Variants in PCDHA2 observed in about 807,000 individuals in gnomAD.
The protein encoded by PCDHA2 is protocadherin alpha 2.
A neutral mutation model predicts 66.0 loss-of-function variants in PCDHA2; 58 were observed. That is an observed-to-expected ratio of 0.88 (90% CI 0.71 to 1.09). The LOEUF (loss-of-function observed/expected upper bound fraction) is 1.09, where lower values mean the gene tolerates loss of function less well. PCDHA2 is among the 50% of genes least tolerant of loss of function. The pLI, the probability that PCDHA2 is intolerant of heterozygous loss-of-function variation, is 0.00. For synonymous variants in PCDHA2, 634 were observed against 554.0 expected (o/e 1.14, Z -2.03); for missense variants, 1,267 against 1,242.3 (o/e 1.02, Z -0.30).
chr5:140,903,840 T>C (rs2070655374), intron 1 of PCDHA2, among the ~76,000 whole-genome samples: 1 of 152,196 alleles, frequency 6.6e-6, no homozygotes, highest in African/African-American at 2.4e-5. Flanking sequence ...GGTATTTTCA[T>C]TTATCTTAAC....
rs143060335 is a variant in PCDHA2 at position 140,868,584 on chromosome 5, G to A, written c.2388+71232G>A. 748 of 153,118 alleles carry A rather than the reference G, an allele frequency of 4.9e-3. 7 individuals carry two copies. Among genetic ancestry groups the A allele is most frequent in the African/African-American group, 0.016 (680 of 41,552 alleles). The allele number at this position is 153,118 out of a possible 1,614,324, so 9.5% of individuals were successfully genotyped here. A position where few individuals can be genotyped will look rare whatever the true frequency, so the allele number is the denominator to read the frequency against. Reference sequence around the variant, plus strand: ...ATGAGGAACAACACTTTCAGGAAATGTTTAACCCTAGTTTTTCATGAGGCC... The same window carrying A: ...ATGAGGAACAACACTTTCAGGAAATATTTAACCCTAGTTTTTCATGAGGCC... On this transcript the variant is annotated intron_variant, in intron 1 of 3. Transcript: ENST00000526136.
At chr5:140,808,651 G>C (rs144041965) in intron 1 of PCDHA2, 19 of 1,613,192 alleles carry the variant, frequency 1.2e-5, no homozygotes, top group Admixed American at 1.7e-5. Context: ...AGGAGAACGC[G>C]CTGGTGTCCT....
At chr5:140,915,626 GTCTCTCTCTCTCTC>G in intron 1 of PCDHA2, among the ~76,000 whole-genome samples, 1 of 146,536 alleles carries the variant, frequency 6.8e-6, no homozygotes, top group Non-Finnish European at 1.5e-5. Flanking sequence ...GTCTCTTTCT[GTCTCTCTCTCTCTC>G]TCTCTCTCTC....
chr5:140,953,267 C>G (rs902465304), intron 1 of PCDHA2, among the ~76,000 whole-genome samples: 4 of 152,068 alleles, frequency 2.6e-5, no homozygotes, highest in African/African-American at 4.8e-5. Flanking sequence ...TTAGCTTTAG[C>G]CTTTGCTCTT....
At chr5:140,864,245 T>C (rs1189962615) in intron 1 of PCDHA2, 1 of 152,208 alleles carries the variant, frequency 6.6e-6, no homozygotes, top group Non-Finnish European at 1.5e-5. Flanking sequence ...TTCCTATTCA[T>C]TTTCTTATTC....
chr5:140,869,853 C>A (rs1408875478), intron 1 of PCDHA2: 1 of 1,610,606 alleles, frequency 6.2e-7, no homozygotes, highest in Admixed American at 1.7e-5. Context: ...ATAAGGTGAG[C>A]CTTATGGAAA....
chr5:140,805,669 C>A (rs1238720033), intron 1 of PCDHA2: 6 of 832,912 alleles, frequency 7.2e-6, no homozygotes, highest in Non-Finnish European at 8.7e-6. Flanking sequence ...CATTAATACC[C>A]AGGATGATTC....
chr5:140,899,607 TC>T (rs1301087468), intron 1 of PCDHA2, among the ~76,000 whole-genome samples: 11 of 152,322 alleles, frequency 7.2e-5, no homozygotes, highest in African/African-American at 2.6e-4. Flanking sequence ...GACTTTTGCA[TC>T]AATGTTCATC....
chr5:140,850,221 G>T (rs2041438830), intron 1 of PCDHA2: 1 of 1,593,734 alleles, frequency 6.3e-7, no homozygotes, highest in Non-Finnish European at 8.6e-7. Context: ...CACTGACGGC[G>T]CAGTGAGCGA....
rs782453395 is a variant in PCDHA2 at position 140,875,890 on chromosome 5, G to A, written c.2388+78538G>A. 2.4e-5 allele frequency: 38 copies of A among 1,614,180 alleles called. No homozygotes were observed. The South Asian group carries it at 4.1e-4, about 17-fold the overall frequency. On this transcript the variant is annotated intron_variant, in intron 1 of 3. Coordinates refer to ENST00000526136, the MANE Select transcript of PCDHA2 (RefSeq NM_018905.3). Reference sequence around the variant, plus strand: ...GGTGTTCAGAGAAAGGGAACAAAAGGTACCTGTTTCTGAATCTGCGCCTCT... The same window carrying A: ...GGTGTTCAGAGAAAGGGAACAAAAGATACCTGTTTCTGAATCTGCGCCTCT...
At chr5:140,925,989 G>A (rs2082853255) in intron 1 of PCDHA2, among the ~76,000 whole-genome samples, 1 of 152,212 alleles carries the variant, frequency 6.6e-6, no homozygotes, top group East Asian at 1.9e-4. Context: ...GAGCTCGCTG[G>A]CTCCGCTGCC....
Position 140,850,388 on chromosome 5 carries a change from C to G in PCDHA2, c.2388+53036C>G. On this transcript the variant is annotated intron_variant, in intron 1 of 3. Coordinates refer to ENST00000526136, the MANE Select transcript of PCDHA2 (RefSeq NM_018905.3). Reference sequence around the variant, plus strand: ...GCGTGGGGCTGTACACGGGCGAGATCAGCACAACGCGTGCCCTGGACGAAA... The same window carrying G: ...GCGTGGGGCTGTACACGGGCGAGATGAGCACAACGCGTGCCCTGGACGAAA... 1.9e-6 allele frequency: 3 copies of G among 1,597,966 alleles called. No individual in the cohort carries two copies. In the African/African-American group the frequency reaches 4.0e-5, roughly 21 times the overall value.
chr5:140,904,098 A>G (rs184234910), intron 1 of PCDHA2, among the ~76,000 whole-genome samples: 35 of 152,296 alleles, frequency 2.3e-4, no homozygotes, highest in African/African-American at 7.9e-4. Context: ...TAACTACTTT[A>G]GTGGTCATTG....
chr5:140,843,509 G>A, intron 1 of PCDHA2: 1 of 1,595,970 alleles, frequency 6.3e-7, no homozygotes. Context: ...GCCCACTGAG[G>A]GCGGGTGCCG....
At chr5:140,958,339 G>A (rs1177083248) in intron 1 of PCDHA2, among the ~76,000 whole-genome samples, 2 of 152,024 alleles carry the variant, frequency 1.3e-5, no homozygotes, top group African/African-American at 4.8e-5. Context: ...TAAATCACAG[G>A]AAGTTCACAG....
In PCDHA2 at chr5:140,883,753, G is replaced by A. The variant is rs945452765; in HGVS notation, c.2388+86401G>A. 5 of 1,613,010 alleles carry A rather than the reference G, an allele frequency of 3.1e-6. No homozygotes were observed. The African/African-American group carries it at 5.3e-5, about 17-fold the overall frequency. ...ACGCGCTGGTCTCCTACTCGCTGGT[G>A]GAGCGGCGGGTGGGCGAGCGTGCGC... is the stretch of plus-strand genomic sequence containing the variant. On this transcript the variant is annotated intron_variant, in intron 1 of 3. Transcript: ENST00000526136.
At chr5:140,828,871 A>C in intron 1 of PCDHA2, 1 of 1,614,250 alleles carries the variant, frequency 6.2e-7, no homozygotes, top group Non-Finnish European at 8.5e-7. Context: ...ACGGAACAAC[A>C]GTTATCAGAC....
At chr5:140,881,377 G>A (rs557722479) in intron 1 of PCDHA2, 222 of 984,702 alleles carry the variant, frequency 2.3e-4, no homozygotes, top group Non-Finnish European at 2.4e-4. Flanking sequence ...AATTGCAGCC[G>A]GCGGCGGTAA....
chr5:140,816,502 T>G (rs1390096829), intron 1 of PCDHA2: 1 of 116,200 alleles, frequency 8.6e-6, no homozygotes, highest in African/African-American at 3.4e-5. Flanking sequence ...TTTCTGGAGG[T>G]GTGTTTGTGT....
Sources: gnomAD v4.1 joint callset for allele counts (sites outside exome capture counted in the v4.1 genomes callset) on GRCh38, gnomAD v4.1.1 for gene constraint, MANE v1.5 for transcripts, NCBI Gene and HGNC (gene_info 2026-07-23, HGNC 2026-07-21) for gene names.